ABCB4: variants seen among roughly 807,000 people sequenced by gnomAD.
ABCB4 encodes the protein ATP binding cassette subfamily B member 4, also known as phosphatidylcholine translocator ABCB4.
A neutral mutation model predicts 145.7 loss-of-function variants in ABCB4; 76 were observed. The ratio of observed to expected loss-of-function variants is 0.52; its 90% CI spans 0.43 to 0.63. The LOEUF is 0.63. ABCB4 is among the 30% of genes least tolerant of loss of function. ABCB4 has a pLI of 0.00. For synonymous variants in ABCB4, 517 were observed against 566.8 expected (o/e 0.91, Z 1.25); for missense variants, 1,234 against 1,553.1 (o/e 0.79, Z 3.45).
chr7:87,444,526 A>C (rs1562980658), intron 10 of ABCB4, among the ~76,000 whole-genome samples: 1 of 152,302 alleles, frequency 6.6e-6, no homozygotes, highest in East Asian at 1.9e-4. Context: ...CCCCCATCCC[A>C]TATAGAAATC....
chr7:87,422,161 A>G lies in ABCB4; in HGVS notation c.2276T>C (p.Leu759Ser). The G allele has an allele frequency of 6.2e-7, 1 of 1,613,470 alleles. No homozygotes were observed. The highest frequency in any genetic ancestry group is 1.1e-5 in the South Asian group (1 of 90,984). The change falls in exon 18 of 28, where the codon TTA (leucine) becomes TCA (serine). Residue 759 changes from leucine (L) to serine (S), a missense_variant. Physicochemically the swap from Leu to Ser is moderately radical, Grantham distance 145 (BLOSUM62 -2). Around this residue, in one of 7 missense-constraint regions of ABCB4, gnomAD observed 321 missense variants for 332.6 expected, o/e 0.97. Transcript: ENST00000649586. Reference protein sequence around the residue: ...QKCNIFSLIFLFLGIISFFTF... With the variant: ...QKCNIFSLIFSFLGIISFFTF... ...AAAAAAAGAAATAATTCCCAGAAAT[A>G]AGAAAATCAAAGAGAATATGTTGCA...
At chr7:87,398,671 C>CA, downstream of ABCB4, 1 of 1,603,810 alleles carries the variant, frequency 6.2e-7, no homozygotes, top group Non-Finnish European at 8.5e-7. Flanking sequence ...AAGCACTTAC[C>CA]AAAACATATC....
chr7:87,374,553 T>C, the ABCB4 span, among the ~76,000 whole-genome samples: 2 of 152,018 alleles, frequency 1.3e-5, no homozygotes. Context: ...GCTTTACTTA[T>C]AATTGGAGCA....
intron 23 of ABCB4, among the ~76,000 whole-genome samples, chr7:87,411,194 T>C (rs2116397903): frequency 6.6e-6 from 1 of 152,274 alleles, no homozygotes; most frequent in Non-Finnish European, 1.5e-5. Flanking sequence ...TAACACACTT[T>C]CGCTTTTTTG....
chr7:87,392,618 T>C, the ABCB4 span: 1 of 1,613,474 alleles, frequency 6.2e-7, no homozygotes. Flanking sequence ...CATAATAAAA[T>C]GATGAAAGAT....
upstream of ABCB4, among the ~76,000 whole-genome samples, chr7:87,475,939 G>T (rs1441431005): frequency 6.6e-6 from 1 of 152,294 alleles, no homozygotes; most frequent in Non-Finnish European, 1.5e-5. Context: ...CAGCCCGGTC[G>T]CAGGATAAGA....
At chr7:87,422,304 G>A (rs1356137550) in intron 17 of ABCB4, 79 bp from the exon 18 acceptor site, 4 of 1,102,976 alleles carry the variant, frequency 3.6e-6, no homozygotes, top group Non-Finnish European at 5.5e-6. Context: ...AGTGGCTTGA[G>A]TGTCACATGT....
chr7:87,382,482 C>T, the ABCB4 span: 1 of 1,613,956 alleles, frequency 6.2e-7, no homozygotes, highest in Non-Finnish European at 8.5e-7. Context: ...GAACAAGATG[C>T]TTCACCCGGA....
downstream of ABCB4, chr7:87,401,562 C>T (rs1411000318): frequency 1.1e-5 from 2 of 174,462 alleles, no homozygotes; most frequent in Non-Finnish European, 2.5e-5. Context: ...TTTATGGAAC[C>T]GATATGTGCT....
the ABCB4 span, among the ~76,000 whole-genome samples, chr7:87,383,835 T>C: frequency 6.6e-6 from 1 of 152,078 alleles, no homozygotes; most frequent in South Asian, 2.1e-4. Flanking sequence ...GACACTTAGG[T>C]TGATTCTATA....
At position 87,452,940 on chromosome 7, in the gene ABCB4, C is replaced by A; in HGVS notation, c.536+4G>T. On this transcript the variant is annotated splice_donor_region_variant and intron_variant, in intron 6 of 27. Transcript: ENST00000649586. ...TGAAAGTGTGACATTAACAATGTACCTACTCTGTTAGCCGCGTATTGAGTT... is the reference window on the plus strand; with the variant it reads ...TGAAAGTGTGACATTAACAATGTACATACTCTGTTAGCCGCGTATTGAGTT... 1 of 1,612,392 alleles carries A rather than the reference C, an allele frequency of 6.2e-7. No homozygotes were observed. Among genetic ancestry groups the A allele is most frequent in the East Asian group, 2.2e-5 (1 of 44,854 alleles).
intron 3 of ABCB4, among the ~76,000 whole-genome samples, chr7:87,469,200 A>G (rs997107095): frequency 2.0e-5 from 3 of 152,190 alleles, no homozygotes; most frequent in Non-Finnish European, 4.4e-5. Flanking sequence ...CTCTCAATAA[A>G]TTAGGTATTG....
chr7:87,393,425 A>G, the ABCB4 span, among the ~76,000 whole-genome samples: 1 of 152,226 alleles, frequency 6.6e-6, no homozygotes, highest in African/African-American at 2.4e-5. Context: ...ATGTAGTCAT[A>G]GACAATATTA....
chr7:87,369,178 A>G, the ABCB4 span, among the ~76,000 whole-genome samples: 1 of 152,214 alleles, frequency 6.6e-6, no homozygotes, highest in Non-Finnish European at 1.5e-5. Context: ...CTCACATGGA[A>G]CAAGTGTCAG....
At chr7:87,432,329 T>C (rs955993246) in intron 14 of ABCB4, among the ~76,000 whole-genome samples, 21 of 152,320 alleles carry the variant, frequency 1.4e-4, no homozygotes, top group African/African-American at 4.8e-4. Context: ...TTTTACCCAA[T>C]AGCTTAAGAT....
In ABCB4 at chr7:87,423,992, G is replaced by T; in HGVS notation, c.2125C>A (p.Pro709Thr). The T allele has an allele frequency of 6.2e-7, 1 of 1,614,056 alleles. No individual in the cohort carries two copies. Reference sequence around the variant, plus strand: ...CATACTGTTCCCACGACAAAGTAGGGCCATTCTGTTTTATTCAGTTTCAGG... The same window carrying T: ...CATACTGTTCCCACGACAAAGTAGGTCCATTCTGTTTTATTCAGTTTCAGG... ...KVLKLNKTEW[P>T]YFVVGTVCAI... The change falls in exon 17 of 28, where the codon CCC (proline) becomes ACC (threonine). Residue 709 changes from proline to threonine, a missense_variant. Physicochemically the swap from Pro to Thr is conservative, Grantham distance 38. This residue lies in a region of ABCB4 where 321 missense variants were observed against 332.6 expected (regional missense o/e 0.97). Transcript: ENST00000649586.
In ABCB4 at chr7:87,451,719, TG is replaced by T. The variant is rs746119468; in HGVS notation, c.611del (p.Ala204GlufsTer4). ...CTCTGATGAATCCCACTATGAATCCTGCAAAAAACGTGGCTACTGCTTGAAA... is the reference window on the plus strand; with the variant it reads ...CTCTGATGAATCCCACTATGAATCCTCAAAAAACGTGGCTACTGCTTGAAA... ...MFFQAVATFF[A>X]GFIVGFIRGW... On this transcript the variant is annotated frameshift_variant, in exon 7 of 28. Transcript: ENST00000649586. LOFTEE classifies it high-confidence loss of function. 1 of 1,614,168 alleles carries T rather than the reference TG, an allele frequency of 6.2e-7. No homozygotes were observed. Among genetic ancestry groups the T allele is most frequent in the Non-Finnish European group, 8.5e-7 (1 of 1,180,030 alleles).
intron 6 of ABCB4, 33 bp downstream of exon 6, chr7:87,452,911 T>C: frequency 6.2e-7 from 1 of 1,601,232 alleles, no homozygotes; most frequent in South Asian, 1.1e-5. Context: ...AATTAATTTC[T>C]ATATGAAAGT....
chr7:87,372,235 A>T, the ABCB4 span, among the ~76,000 whole-genome samples: 1,397 of 152,272 alleles, frequency 9.2e-3, 48 homozygotes, highest in Admixed American at 0.064. Context: ...TAGTCTCTAC[A>T]TTAATCTTTT....
Sources: allele counts gnomAD v4.1 joint callset (sites outside exome capture counted in the v4.1 genomes callset), GRCh38; gene constraint gnomAD v4.1.1; regional missense constraint gnomAD v4.1.1; transcripts MANE v1.5; gene names NCBI Gene and HGNC (gene_info 2026-07-23, HGNC 2026-07-21).